RBM33: variants seen among roughly 807,000 people sequenced by gnomAD.
RBM33 encodes the protein RNA-binding protein 33.
RBM33 carries 28 observed loss-of-function variants against 132.6 expected under a neutral mutation model. That is an observed-to-expected ratio of 0.21 (90% confidence interval 0.16 to 0.29). The LOEUF (loss-of-function observed/expected upper bound fraction) is 0.29, where lower values mean the gene tolerates loss of function less well. Ranked by LOEUF, RBM33 falls within the 10% of genes least tolerant of loss-of-function variation. The pLI, the probability that RBM33 is intolerant of heterozygous loss-of-function variation, is 1.00. For synonymous variants in RBM33, 634 were observed against 593.0 expected, an observed-to-expected ratio of 1.07 and a Z score of -1.01; for missense variants, 1,291 against 1,518.5, an observed-to-expected ratio of 0.85 and a Z score of 2.49.
At chr7:155,709,155 CA>C (rs745436308) in intron 7 of RBM33, among the ~76,000 whole-genome samples, 4 of 151,396 alleles carry the variant, frequency 2.6e-5, no homozygotes, top group Middle Eastern at 3.2e-3. Flanking sequence ...TTTTTATTTT[CA>C]AATTAAACTT....
chr7:155,718,753 G>C (rs1375998193), intron 9 of RBM33, among the ~76,000 whole-genome samples: 1 of 152,146 alleles, frequency 6.6e-6, no homozygotes, highest in Non-Finnish European at 1.5e-5. Context: ...TGCTTTATTA[G>C]AGAGGTGGGG....
intron 2 of RBM33, among the ~76,000 whole-genome samples, chr7:155,672,338 A>G (rs2116903644): frequency 6.6e-6 from 1 of 152,080 alleles, no homozygotes; most frequent in Admixed American, 6.6e-5. Context: ...GATTAGAAGT[A>G]TAGTGAGGCA....
At chr7:155,699,880 T>C (rs1321209329) in intron 5 of RBM33, among the ~76,000 whole-genome samples, 2 of 152,242 alleles carry the variant, frequency 1.3e-5, no homozygotes, top group African/African-American at 4.8e-5. Context: ...TTACAAATCA[T>C]GAGACTAAAG....
intron 5 of RBM33, among the ~76,000 whole-genome samples, chr7:155,694,249 A>G (rs919242238): frequency 6.6e-6 from 1 of 152,194 alleles, no homozygotes; most frequent in South Asian, 2.1e-4. Flanking sequence ...AGAAATCATT[A>G]TATTTGAAAC....
intron 14 of RBM33, among the ~76,000 whole-genome samples, chr7:155,753,507 C>G (rs1349089412): frequency 4.6e-5 from 7 of 152,098 alleles, no homozygotes; most frequent in Admixed American, 1.3e-4. Context: ...AAGGTGACTT[C>G]CTAGGATGAT....
At chr7:155,678,524 A>G in intron 3 of RBM33, 84 bp from the exon 4 acceptor site, 1 of 846,446 alleles carries the variant, frequency 1.2e-6, no homozygotes. Flanking sequence ...GGCTAGGAAC[A>G]ATTCAGTCAG....
intron 5 of RBM33, among the ~76,000 whole-genome samples, chr7:155,682,566 T>G (rs1461105324): frequency 6.6e-6 from 1 of 152,228 alleles, no homozygotes; most frequent in East Asian, 1.9e-4. Flanking sequence ...GATTGGCTAA[T>G]CGTCCTGGGT....
chr7:155,777,637 A>C lies in RBM33; in HGVS notation c.*2596A>C, dbSNP rs562762237. The C allele has an allele frequency of 1.3e-5, 2 of 152,802 alleles. No homozygotes were observed. The highest frequency in any genetic ancestry group is 1.3e-4 in the Admixed American group (2 of 15,304). 9.5% of individuals were successfully genotyped at this position (152,802 alleles called of 1,614,324 possible). On this transcript the variant is annotated 3_prime_UTR_variant, in exon 18 of 18. Coordinates refer to ENST00000401878, the MANE Select transcript of RBM33 (RefSeq NM_053043.3). ...TCATCATGCATTTAAAATGAGATGCAAGAGCATTTAGCATACCATGTAAAT... is the reference window on the plus strand; with the variant it reads ...TCATCATGCATTTAAAATGAGATGCCAGAGCATTTAGCATACCATGTAAAT...
At chr7:155,706,808 T>C in intron 6 of RBM33, 52 bp from the exon 7 acceptor site, 2 of 1,426,574 alleles carry the variant, frequency 1.4e-6, no homozygotes, top group Non-Finnish European at 1.9e-6. Flanking sequence ...TCCCTAGACC[T>C]CCAGTTTGGG....
At chr7:155,673,120 T>G (rs1798989109) in intron 3 of RBM33, among the ~76,000 whole-genome samples, 3 of 152,166 alleles carry the variant, frequency 2.0e-5, no homozygotes, top group Admixed American at 2.0e-4. Flanking sequence ...AAATAAATCC[T>G]TGAAGATTAG....
intron 5 of RBM33, among the ~76,000 whole-genome samples, chr7:155,689,407 T>A (rs939356933): frequency 6.6e-6 from 1 of 152,216 alleles, no homozygotes; most frequent in Non-Finnish European, 1.5e-5. Flanking sequence ...ATTTTGTTGA[T>A]CTTTTCAAAA....
Position 155,644,685 on chromosome 7 carries a change from C to T in RBM33, c.-192C>T, listed in dbSNP as rs916683394. ...CGGGCGCGGGCGCGCGGCCATGTTG[C>T]GGTAGTTTGTTGTTTTCTTCCTGCG... is the stretch of plus-strand genomic sequence containing the variant. On this transcript the variant is annotated 5_prime_UTR_variant, in exon 1 of 18. Coordinates refer to ENST00000401878, the MANE Select transcript of RBM33 (RefSeq NM_053043.3). 1 of 452,648 alleles carries T rather than the reference C, an allele frequency of 2.2e-6. No individual in the cohort carries two copies. The highest frequency in any genetic ancestry group is 4.2e-5 in the South Asian group (1 of 23,980). 28.0% of individuals were successfully genotyped at this position (452,648 alleles called of 1,614,324 possible). A position where few individuals can be genotyped will look rare whatever the true frequency, so the allele number is the denominator to read the frequency against.
intron 13 of RBM33, among the ~76,000 whole-genome samples, chr7:155,743,624 A>G (rs1004750950): frequency 4.6e-5 from 7 of 152,094 alleles, no homozygotes; most frequent in African/African-American, 9.7e-5. Context: ...AAGATCTTCT[A>G]TTTGTTTTGC....
In RBM33 at chr7:155,745,365, A is replaced by G. The variant is rs1199361504; in HGVS notation, c.2742A>G (p.Arg914=). The change falls in exon 14 of 18, where the codon AGA becomes AGG. Residue 914 remains arginine (R), a synonymous_variant. Transcript: ENST00000401878. This position sits in a 1 kb window ranked among gnomAD's most constrained non-coding sequence, Gnocchi z 4.1. ...AGATGAAAGCACTGAAACATTTGAG[A>G]CAGACCAGAACAGTTCCTCAAAGTC... The part of the protein sequence containing the change: ...GQQMKALKHL[R]QTRTVPQSQT... 6.2e-7 allele frequency: 1 copy of G among 1,613,014 alleles called. No homozygotes were observed. The highest frequency in any genetic ancestry group is 1.7e-5 in the Admixed American group (1 of 59,906).
At chr7:155,710,418 A>T (rs1174766311) in intron 7 of RBM33, among the ~76,000 whole-genome samples, 1 of 152,220 alleles carries the variant, frequency 6.6e-6, no homozygotes, top group Non-Finnish European at 1.5e-5. Context: ...GGAACTTAAA[A>T]TGTGGGGAAG....
intron 14 of RBM33, among the ~76,000 whole-genome samples, chr7:155,747,944 A>G (rs766728591): frequency 2.6e-5 from 4 of 152,242 alleles, no homozygotes; most frequent in Non-Finnish European, 5.9e-5. Context: ...ATTTCAGACA[A>G]TGCAAAAAGG....
At chr7:155,709,540 T>TG (rs1800216546) in intron 7 of RBM33, among the ~76,000 whole-genome samples, 2 of 152,220 alleles carry the variant, frequency 1.3e-5, no homozygotes, top group Non-Finnish European at 2.9e-5. Context: ...TCCCTGTACC[T>TG]CTCCAGACAC....
intron 9 of RBM33, among the ~76,000 whole-genome samples, chr7:155,731,198 G>A (rs1391591496): frequency 6.6e-6 from 1 of 152,112 alleles, no homozygotes; most frequent in African/African-American, 2.4e-5. Context: ...ATCTTTTTGA[G>A]GACTTGAAAT....
rs1468385089 is a variant in RBM33, at chr7:155,745,109, A to G, written c.2486A>G (p.Gln829Arg). ...AAGGAGCTGCTGGAGAGACTCGCGC[A>G]GCAACAGCAGCAGCTGTACGCTCCC... is the stretch of plus-strand genomic sequence containing the variant. Reference protein sequence around the residue: ...RKKELLERLAQQQQQLYAPPP... With the variant: ...RKKELLERLARQQQQLYAPPP... Residue 829 changes from glutamine to arginine, a missense_variant, in exon 14 of 18, where the codon CAG (glutamine) becomes CGG (arginine). Physicochemically the swap from Gln to Arg is conservative, Grantham distance 43. Around this residue, in one of 7 missense-constraint regions of RBM33, gnomAD observed 841 missense variants for 912.0 expected, o/e 0.92. Transcript: ENST00000401878. This position sits in a 1 kb window ranked among gnomAD's most constrained non-coding sequence, Gnocchi z 4.1. The G allele has an allele frequency of 6.3e-7, 1 of 1,598,464 alleles. No individual in the cohort carries two copies. The highest frequency in any genetic ancestry group is 1.1e-5 in the South Asian group (1 of 88,962).
Sources: gnomAD v4.1 joint callset for allele counts (sites outside exome capture counted in the v4.1 genomes callset) on GRCh38, gnomAD v4.1.1 for gene constraint, gnomAD v4.1.1 regional missense constraint, Gnocchi (gnomAD v3.1) non-coding constraint, MANE v1.5 for transcripts, NCBI Gene and HGNC (gene_info 2026-07-23, HGNC 2026-07-21) for gene names.